The following SLC9A7 variants were observed in gnomAD, a reference collection of about 807,000 sequenced individuals.
SLC9A7 encodes the protein solute carrier family 9 member A7, also known as sodium/hydrogen exchanger 7.
A neutral mutation model predicts 52.6 loss-of-function variants in SLC9A7; 19 were observed. That is an observed-to-expected ratio of 0.36 (90% CI 0.25 to 0.53). The LOEUF is 0.53. SLC9A7 is among the 20% of genes least tolerant of loss of function. SLC9A7 has a pLI of 0.91. For synonymous variants in SLC9A7, 226 were observed against 252.1 expected (o/e 0.90, Z 0.98); for missense variants, 455 against 597.9 (o/e 0.76, Z 2.49).
intron 14 of SLC9A7, among the ~76,000 whole-genome samples, chrX:46,626,225 A>C (rs189646965): frequency 8.9e-6 from 1 of 112,700 alleles, no homozygotes; most frequent in East Asian, 2.8e-4. Context: ...CAGACAACTA[A>C]TATGGAGCAG....
chrX:46,672,462 A>C, intron 4 of SLC9A7, 89 bp downstream of exon 4: 2 of 681,596 alleles, frequency 2.9e-6, no homozygotes, highest in Admixed American at 2.6e-5. Context: ...ATCATCAAAA[A>C]TATCAAAATA....
chrX:46,600,522 G>A lies in SLC9A7; in HGVS notation c.*6430C>T, dbSNP rs767823296. ...CCAAGGCTCAGGTAGCAGAAAACCG[G>A]CTGCCTGTGTGTTCCATATGGGCCA... is the stretch of plus-strand genomic sequence containing the variant. On this transcript the variant is annotated 3_prime_UTR_variant, in exon 17 of 17. Transcript: ENST00000616978. 6.1e-4 allele frequency: 68 copies of A among 111,875 alleles called. 1 individual carries two copies. The highest frequency in any genetic ancestry group is 5.6e-3 in the Admixed American group (59 of 10,503). The allele number at this position is 111,875 out of a possible 1,213,427, so 9.2% of individuals were successfully genotyped here.
intron 11 of SLC9A7, among the ~76,000 whole-genome samples, chrX:46,643,816 G>C (rs974045130): frequency 3.6e-5 from 4 of 112,019 alleles, no homozygotes; most frequent in African/African-American, 9.8e-5. Flanking sequence ...CATTTCCTTA[G>C]CAAAAGGGGA....
chrX:46,730,013 T>C (rs1267326176), intron 1 of SLC9A7, among the ~76,000 whole-genome samples: 2 of 111,668 alleles, frequency 1.8e-5, no homozygotes, highest in Non-Finnish European at 3.8e-5. Context: ...CAGTAGCTAA[T>C]CTGTTAACTT....
chrX:46,661,688 T>C (rs1028045588), intron 7 of SLC9A7, among the ~76,000 whole-genome samples: 1 of 111,942 alleles, frequency 8.9e-6, no homozygotes, highest in Non-Finnish European at 1.9e-5. Flanking sequence ...CAGCCAGTAG[T>C]CCCTAATTCT....
chrX:46,759,069 G>C lies in SLC9A7; in HGVS notation c.-40C>G, dbSNP rs1205189919. The stretch of plus-strand genomic sequence containing the variant: ...CCGCGCCTCCTCCGAGCGGGGACCA[G>C]CAGCCCGCGCCGTCGGCGGGTTCTG... On this transcript the variant is annotated 5_prime_UTR_variant, in exon 1 of 17. Transcript: ENST00000616978. The C allele has an allele frequency of 4.7e-6, 4 of 856,091 alleles. No individual in the cohort carries two copies. In the African/African-American group the frequency reaches 8.6e-5, roughly 18 times the overall value. The allele number at this position is 856,091 out of a possible 1,213,427, so 70.6% of individuals were successfully genotyped here. A position where few individuals can be genotyped will look rare whatever the true frequency, so the allele number is the denominator to read the frequency against.
chrX:46,665,030 C>G (rs1320561266), intron 5 of SLC9A7, among the ~76,000 whole-genome samples: 4 of 111,448 alleles, frequency 3.6e-5, no homozygotes. Context: ...TTCTGTGCCC[C>G]TCCTGAGCAA....
intron 14 of SLC9A7, among the ~76,000 whole-genome samples, chrX:46,625,938 C>CT (rs375557781): frequency 1.8e-5 from 2 of 111,391 alleles, no homozygotes; most frequent in African/African-American, 6.5e-5. Context: ...TTGCCAACAC[C>CT]TTGAAAAACT....
chrX:46,739,020 T>C (rs1362066844), intron 1 of SLC9A7, among the ~76,000 whole-genome samples: 1 of 111,558 alleles, frequency 9.0e-6, no homozygotes, highest in Non-Finnish European at 1.9e-5. Flanking sequence ...CTTCCTTCTA[T>C]CTCCATATCT....
At position 46,604,544 on chromosome X, in the gene SLC9A7, C is replaced by T. The variant is rs1385631738; in HGVS notation, c.*2408G>A. ...GCCTCTTGGGCTCAAGCAATCCTCC[C>T]ACCTCAGCCTCCCAAGTAGCTAGAA... On this transcript the variant is annotated 3_prime_UTR_variant, in exon 17 of 17. Coordinates refer to ENST00000616978, the MANE Select transcript of SLC9A7 (RefSeq NM_001257291.2). The T allele has an allele frequency of 9.1e-6, 1 of 110,116 alleles. No homozygotes were observed. Among genetic ancestry groups the T allele is most frequent in the Non-Finnish European group, 1.9e-5 (1 of 52,735 alleles). The allele number at this position is 110,116 out of a possible 1,213,427, so 9.1% of individuals were successfully genotyped here. A position where few individuals can be genotyped will look rare whatever the true frequency, so the allele number is the denominator to read the frequency against.
At chrX:46,675,259 T>G (rs1381850294) in intron 3 of SLC9A7, among the ~76,000 whole-genome samples, 1 of 111,061 alleles carries the variant, frequency 9.0e-6, no homozygotes, top group East Asian at 2.8e-4. Context: ...AGCCCAGGTC[T>G]GCATGATAGC....
intron 14 of SLC9A7, among the ~76,000 whole-genome samples, chrX:46,626,782 G>C (rs535047880): frequency 8.9e-6 from 1 of 112,140 alleles, no homozygotes; most frequent in African/African-American, 3.2e-5. Context: ...CTCCTGCTCC[G>C]CTATGGTAAG....
At chrX:46,637,629 G>A (rs772334613) in intron 12 of SLC9A7, among the ~76,000 whole-genome samples, 3 of 111,474 alleles carry the variant, frequency 2.7e-5, no homozygotes, top group Non-Finnish European at 5.6e-5. Context: ...TGAAGCTGAC[G>A]GCTCCTAGAA....
At chrX:46,669,452 A>T (rs1943982474) in intron 5 of SLC9A7, among the ~76,000 whole-genome samples, 155 bp downstream of exon 5, 1 of 110,488 alleles carries the variant, frequency 9.1e-6, no homozygotes, top group African/African-American at 3.3e-5. Flanking sequence ...TAAGTCTGTT[A>T]GACCCACCTA....
At chrX:46,622,225 A>G (rs998528696) in intron 14 of SLC9A7, among the ~76,000 whole-genome samples, 1 of 111,598 alleles carries the variant, frequency 9.0e-6, no homozygotes, top group Non-Finnish European at 1.9e-5. Flanking sequence ...ATGAGGAAAT[A>G]TAAACAAGGA....
At chrX:46,645,303 G>A (rs1943471903) in intron 11 of SLC9A7, among the ~76,000 whole-genome samples, 3 of 111,947 alleles carry the variant, frequency 2.7e-5, no homozygotes, top group South Asian at 3.7e-4. Context: ...GCTTATCACC[G>A]TCCTCTTCAC....
chrX:46,670,356 C>T lies in SLC9A7; in HGVS notation c.681-637G>A, dbSNP rs759707196. Among the ~76,000 whole-genome samples, 27 of 112,026 alleles carry T rather than the reference C, an allele frequency of 2.4e-4. 1 individual carries two copies. Among genetic ancestry groups the T allele is most frequent in the Middle Eastern group, 4.6e-3 (1 of 219 alleles). On this transcript the variant is annotated intron_variant, in intron 4 of 16. Transcript: ENST00000616978. ...CCTCCTTATGCTATGTAGACTATGA[C>T]GTGGGCTAAGAGGGACTACCAAGTT...
intron 1 of SLC9A7, among the ~76,000 whole-genome samples, chrX:46,731,865 C>T (rs1308000817): frequency 1.8e-5 from 2 of 110,936 alleles, no homozygotes; most frequent in South Asian, 7.4e-4. Flanking sequence ...AAAAAAAATA[C>T]GAATGGCCCT....
rs953730704 is a variant in SLC9A7 at position 46,599,511 on chromosome X, A to G, written c.*7441T>C. ...TTTTATTTTGAGTTTTGTTTTTTTA[A>G]AAAAAGAAAAGCTTTGAGAAAATGT... On this transcript the variant is annotated 3_prime_UTR_variant, in exon 17 of 17. Transcript: ENST00000616978. 1 of 112,347 alleles carries G rather than the reference A, an allele frequency of 8.9e-6. No homozygotes were observed. Among genetic ancestry groups the G allele is most frequent in the African/African-American group, 3.2e-5 (1 of 30,904 alleles). The allele number at this position is 112,347 out of a possible 1,213,427, so 9.3% of individuals were successfully genotyped here.
Sources: allele counts gnomAD v4.1 joint callset (sites outside exome capture counted in the v4.1 genomes callset), GRCh38; gene constraint gnomAD v4.1.1; transcripts MANE v1.5; gene names NCBI Gene and HGNC (gene_info 2026-07-23, HGNC 2026-07-21).